DOCK2: variants seen among roughly 807,000 people sequenced by gnomAD.
DOCK2 encodes the protein dedicator of cytokinesis 2.
Under a neutral mutation model 248.9 loss-of-function variants are expected in DOCK2, and 87 were observed. That is an observed-to-expected ratio of 0.35 (90% CI 0.29 to 0.42). The LOEUF (loss-of-function observed/expected upper bound fraction) is 0.42. Ranked by LOEUF, DOCK2 falls within the 10% of genes least tolerant of loss-of-function variation. The pLI is 1.00. For missense variants in DOCK2, 1,747 were observed against 2,300.2 expected, an observed-to-expected ratio of 0.76 and a Z score of 4.92; for synonymous variants, 805 against 821.6, an observed-to-expected ratio of 0.98 and a Z score of 0.35.
chr5:169,929,975 ATTTG>A lies in DOCK2; in HGVS notation c.2800-53089_2800-53086del, dbSNP rs1326362747. ...TAATGTGACTGAAGAATAGAACTTT[ATTTG>A]TTTATTTATTTATTTATTTTGTTTA... On this transcript the variant is annotated intron_variant, in intron 27 of 51. Coordinates refer to ENST00000520908, the MANE Select transcript of DOCK2 (RefSeq NM_004946.3). 1.9e-3 allele frequency among the ~76,000 whole-genome samples: 294 copies of A among 152,054 alleles called. 2 individuals carry two copies. Among genetic ancestry groups the A allele is most frequent in the African/African-American group, 6.9e-3 (285 of 41,476 alleles).
chr5:169,972,621 T>C (rs557191090), intron 27 of DOCK2, among the ~76,000 whole-genome samples: 2 of 124,480 alleles, frequency 1.6e-5, no homozygotes, highest in East Asian at 2.1e-4. Flanking sequence ...GATAGATAGA[T>C]AGATAGATGA....
chr5:169,978,388 TGTG>T (rs1429122376), intron 27 of DOCK2, among the ~76,000 whole-genome samples: 3 of 15,590 alleles, frequency 1.9e-4, no homozygotes, highest in Non-Finnish European at 4.0e-4. Context: ...TGTGTGTGTG[TGTG>T]TGGGGGGGGG....
chr5:169,702,846 A>C (rs1482445315), intron 14 of DOCK2, among the ~76,000 whole-genome samples: 1 of 152,008 alleles, frequency 6.6e-6, no homozygotes, highest in East Asian at 1.9e-4. Flanking sequence ...GCTGGTGTGG[A>C]GGCTCAGGAT....
At chr5:169,949,448 A>T (rs1279294485) in intron 27 of DOCK2, among the ~76,000 whole-genome samples, 3 of 152,154 alleles carry the variant, frequency 2.0e-5, no homozygotes, top group African/African-American at 4.8e-5. Flanking sequence ...CCATTAGCCC[A>T]GTTTGGCTGA....
intron 34 of DOCK2, among the ~76,000 whole-genome samples, chr5:170,031,298 T>C (rs1161959913): frequency 6.6e-6 from 1 of 152,298 alleles, no homozygotes; most frequent in African/African-American, 2.4e-5. Flanking sequence ...TTTCAAGGAA[T>C]GAAAGAAAGT....
intron 27 of DOCK2, among the ~76,000 whole-genome samples, chr5:169,913,222 C>T (rs922615132): frequency 2.0e-5 from 3 of 152,216 alleles, no homozygotes; most frequent in African/African-American, 7.2e-5. Flanking sequence ...TAGAGCTTTG[C>T]AGTTCCTGAT....
intron 27 of DOCK2, among the ~76,000 whole-genome samples, chr5:169,867,982 C>G (rs922510459): frequency 6.6e-6 from 1 of 152,238 alleles, no homozygotes. Context: ...CATCTATATT[C>G]ACAATGCTCC....
chr5:169,991,269 G>A (rs1778198680), intron 29 of DOCK2, among the ~76,000 whole-genome samples: 1 of 152,244 alleles, frequency 6.6e-6, no homozygotes, highest in Non-Finnish European at 1.5e-5. Context: ...TCTGCCACAT[G>A]AAGAGAAGTA....
In DOCK2 at chr5:169,871,431, A is replaced by G. The variant is rs757726879; in HGVS notation, c.2799+30579A>G. ...GATGGTCATTTATGGAATGAAATCTATGTGCTAGACACTATGCTACAAGTT... is the reference window on the plus strand; with the variant it reads ...GATGGTCATTTATGGAATGAAATCTGTGTGCTAGACACTATGCTACAAGTT... On this transcript the variant is annotated intron_variant, in intron 27 of 51. Transcript: ENST00000520908. Among the ~76,000 whole-genome samples the G allele has an allele frequency of 1.3e-4, 20 of 152,242 alleles. 1 individual carries two copies. Among genetic ancestry groups the G allele is most frequent in the Non-Finnish European group, 2.6e-4 (18 of 68,028 alleles).
chr5:169,807,307 T>C (rs1468560323), intron 26 of DOCK2, among the ~76,000 whole-genome samples: 1 of 152,100 alleles, frequency 6.6e-6, no homozygotes, highest in Non-Finnish European at 1.5e-5. Flanking sequence ...TTAAAACACG[T>C]TTCTGATCAT....
At chr5:169,680,872 T>G (rs750284354) in intron 6 of DOCK2, among the ~76,000 whole-genome samples, 6 of 152,184 alleles carry the variant, frequency 3.9e-5, no homozygotes, top group Non-Finnish European at 8.8e-5. Flanking sequence ...ATACATAAGC[T>G]TATTCTTATA....
chr5:169,727,099 A>C (rs1393482683), intron 22 of DOCK2, among the ~76,000 whole-genome samples: 1 of 151,768 alleles, frequency 6.6e-6, no homozygotes, highest in Admixed American at 6.6e-5. Flanking sequence ...GAAAGAAAGA[A>C]AAGAAAAGGA....
At chr5:169,983,580 T>C (rs766097893) in intron 28 of DOCK2, among the ~76,000 whole-genome samples, 1 of 152,248 alleles carries the variant, frequency 6.6e-6, no homozygotes, top group Non-Finnish European at 1.5e-5. Flanking sequence ...CACCTTCTTC[T>C]AGCCTCTCAG....
rs570819601 is a variant in DOCK2 at position 169,816,905 on chromosome 5, C to T, written c.2703+13699C>T. On this transcript the variant is annotated intron_variant, in intron 26 of 51. Transcript: ENST00000520908. ...TTGACTATAGTCACCCTGTTTTTCT[C>T]CCTTCTGTCTGTCCTGAAAGCCTCC... Among the ~76,000 whole-genome samples the T allele has an allele frequency of 1.6e-3, 247 of 152,216 alleles. 1 individual carries two copies. Among genetic ancestry groups the T allele is most frequent in the African/African-American group, 5.8e-3 (241 of 41,544 alleles).
chr5:169,711,177 T>C (rs1213783847), intron 15 of DOCK2, among the ~76,000 whole-genome samples: 1 of 152,254 alleles, frequency 6.6e-6, no homozygotes, highest in African/African-American at 2.4e-5. Flanking sequence ...AATAGGCATC[T>C]GTACAGTACA....
intron 32 of DOCK2, among the ~76,000 whole-genome samples, chr5:170,011,723 T>G (rs1755303870): frequency 6.6e-6 from 1 of 152,144 alleles, no homozygotes; most frequent in Admixed American, 6.5e-5. Flanking sequence ...CAGGAAAGTA[T>G]TTTTTTCCAA....
Position 169,724,638 on chromosome 5 carries a change from C to T in DOCK2, c.2267+5847C>T, listed in dbSNP as rs370661438. Among the ~76,000 whole-genome samples the T allele has an allele frequency of 2.7e-4, 41 of 152,260 alleles. No individual in the cohort carries two copies. The East Asian group carries it at 4.4e-3, about 17-fold the overall frequency. ...AGGAGCATGGTTCGCAGCTCAGCGA[C>T]GCCTCCAGTCTAGCTTACCTCACCC... On this transcript the variant is annotated intron_variant, in intron 22 of 51. Coordinates refer to ENST00000520908, the MANE Select transcript of DOCK2 (RefSeq NM_004946.3).
At chr5:170,080,362 A>T in intron 50 of DOCK2, 79 bp downstream of exon 50, 1 of 1,585,994 alleles carries the variant, frequency 6.3e-7, no homozygotes. Context: ...GATGGATGGG[A>T]ACTGTGTCTA....
intron 25 of DOCK2, among the ~76,000 whole-genome samples, chr5:169,762,302 T>A (rs560166961): frequency 1.0e-3 from 158 of 152,328 alleles, no homozygotes; most frequent in African/African-American, 3.4e-3. Context: ...TTTATTATTA[T>A]CATGCAAATG....
Sources: allele counts gnomAD v4.1 joint callset (sites outside exome capture counted in the v4.1 genomes callset), GRCh38; gene constraint gnomAD v4.1.1; transcripts MANE v1.5; gene names NCBI Gene and HGNC (gene_info 2026-07-23, HGNC 2026-07-21).